The following SYNRG variants were observed in gnomAD, a reference collection of about 807,000 sequenced individuals.
The protein encoded by SYNRG is synergin gamma, also known as AP1 gamma subunit binding protein 1.
In SYNRG, 37 loss-of-function variants were observed where a neutral mutation model predicts 130.9. The ratio of observed to expected loss-of-function variants is 0.28; its 90% CI spans 0.22 to 0.37. The LOEUF is 0.37. SYNRG is among the 10% of genes least tolerant of loss of function. The pLI is 1.00. For missense variants in SYNRG, 1,338 were observed against 1,588.9 expected (o/e 0.84, Z 2.68); for synonymous variants, 539 against 568.1 (o/e 0.95, Z 0.73).
chr17:37,598,808 A>G (rs114319187), intron 2 of SYNRG, among the ~76,000 whole-genome samples: 1 of 152,246 alleles, frequency 6.6e-6, no homozygotes. Context: ...CTCCATATGC[A>G]TATTTTTACT....
rs2143314029 is a variant in SYNRG, at chr17:37,516,366, G to A, written c.*2574C>T. 1 of 152,312 alleles carries A rather than the reference G, an allele frequency of 6.6e-6. No homozygotes were observed. Among genetic ancestry groups the A allele is most frequent in the South Asian group, 2.1e-4 (1 of 4,828 alleles). The allele number at this position is 152,312 out of a possible 1,614,324, so 9.4% of individuals were successfully genotyped here. ...CTAATTAAACATTTCAAGTATTCAA[G>A]AGATATGAAAGGTAGTGAATACTTT... On this transcript the variant is annotated 3_prime_UTR_variant, in exon 22 of 22. Transcript: ENST00000612223.
intron 11 of SYNRG, among the ~76,000 whole-genome samples, chr17:37,562,908 C>G (rs947529970): frequency 6.6e-6 from 1 of 151,980 alleles, no homozygotes; most frequent in Non-Finnish European, 1.5e-5. Context: ...TAGCTACGGT[C>G]TTTTAAGGCT....
At chr17:37,601,652 G>C (rs1038854308) in intron 1 of SYNRG, among the ~76,000 whole-genome samples, 1 of 151,768 alleles carries the variant, frequency 6.6e-6, no homozygotes, top group African/African-American at 2.4e-5. Context: ...TTTTTTTTAA[G>C]CTGACAACTT....
rs143632042 is a variant in SYNRG, at chr17:37,542,112, G to C, written c.3062C>G (p.Ser1021Trp). 2 of 1,614,192 alleles carry C rather than the reference G, an allele frequency of 1.2e-6. No homozygotes were observed. The highest frequency in any genetic ancestry group is 2.2e-5 in the East Asian group (1 of 44,882). ...GASQETPNEC[S>W]DDFGEFQSEK... ...ACTTTGAAACTCTCCAAAGTCATCC[G>C]AACATTCGTTCGGGGTTTCTTGAGA... Residue 1021 changes from serine (S) to tryptophan (W), a missense_variant, in exon 15 of 22, where the codon TCG (serine) becomes TGG (tryptophan). Physicochemically the swap from Ser to Trp is radical, Grantham distance 177. Coordinates refer to ENST00000612223, the MANE Select transcript of SYNRG (RefSeq NM_007247.6).
chr17:37,530,120 T>TC (rs2056465882), intron 19 of SYNRG, among the ~76,000 whole-genome samples: 2 of 151,566 alleles, frequency 1.3e-5, no homozygotes, highest in African/African-American at 4.9e-5. Flanking sequence ...ATCGACCCAC[T>TC]CCCCCCGACA....
intron 19 of SYNRG, among the ~76,000 whole-genome samples, chr17:37,531,068 G>A (rs924268694): frequency 6.6e-6 from 1 of 152,112 alleles, no homozygotes; most frequent in African/African-American, 2.4e-5. Flanking sequence ...GGGCAACATA[G>A]TGAGGCCCTA....
intron 13 of SYNRG, chr17:37,557,322 G>A (rs2059192497): frequency 1.3e-5 from 2 of 152,178 alleles, no homozygotes; most frequent in Non-Finnish European, 2.9e-5. Flanking sequence ...CTGTCATTCA[G>A]TAACCTAAGA....
rs191035653 is a variant in SYNRG, at chr17:37,559,910, C to T, written c.1663+1285G>A. Among the ~76,000 whole-genome samples, 80 of 152,060 alleles carry T rather than the reference C, an allele frequency of 5.3e-4. 1 individual carries two copies. The highest frequency in any genetic ancestry group is 4.6e-3 in the Admixed American group (70 of 15,256). On this transcript the variant is annotated intron_variant, in intron 13 of 21. Coordinates refer to ENST00000612223, the MANE Select transcript of SYNRG (RefSeq NM_007247.6). ...GGAAACTACACTGATTTGGAATTTGCCCTGAATTTTATTTTATTTTTACTG... is the reference window on the plus strand; with the variant it reads ...GGAAACTACACTGATTTGGAATTTGTCCTGAATTTTATTTTATTTTTACTG...
At chr17:37,570,308 T>A (rs1197764085) in intron 10 of SYNRG, among the ~76,000 whole-genome samples, 1 of 152,104 alleles carries the variant, frequency 6.6e-6, no homozygotes, top group Non-Finnish European at 1.5e-5. Context: ...CACACTATCA[T>A]GCCCAGCTCA....
At chr17:37,559,213 C>G (rs1366190053) in intron 13 of SYNRG, among the ~76,000 whole-genome samples, 1 of 152,178 alleles carries the variant, frequency 6.6e-6, no homozygotes, top group South Asian at 2.1e-4. Flanking sequence ...TACTGTAATA[C>G]ACCTCTGTGA....
chr17:37,527,822 T>C (rs1227060688), intron 19 of SYNRG, among the ~76,000 whole-genome samples: 1 of 152,120 alleles, frequency 6.6e-6, no homozygotes, highest in Non-Finnish European at 1.5e-5. Flanking sequence ...TCCCCCCCCA[T>C]GGACAGGGGA....
intron 1 of SYNRG, among the ~76,000 whole-genome samples, chr17:37,608,269 C>G (rs2063990581): frequency 6.6e-6 from 1 of 151,982 alleles, no homozygotes; most frequent in Admixed American, 6.6e-5. Flanking sequence ...TTGTAGTGTT[C>G]ACGACTCCGA....
Position 37,542,961 on chromosome 17 carries a change from AAT to A in SYNRG, c.2609-398_2609-397del, listed in dbSNP as rs1401987520. 5.3e-5 allele frequency among the ~76,000 whole-genome samples: 8 copies of A among 152,338 alleles called. No individual in the cohort carries two copies. The East Asian group carries it at 1.5e-3, about 29-fold the overall frequency. On this transcript the variant is annotated intron_variant, in intron 14 of 21. Coordinates refer to ENST00000612223, the MANE Select transcript of SYNRG (RefSeq NM_007247.6). ...TCCCTTCATCTTGACTTTGTTGGAA[AAT>A]GTGCCTTTAAAACATGGTCATGTGA...
chr17:37,576,329 A>T lies in SYNRG; in HGVS notation c.901+12T>A. 6.2e-7 allele frequency: 1 copy of T among 1,613,398 alleles called. No homozygotes were observed. The highest frequency in any genetic ancestry group is 1.7e-5 in the Admixed American group (1 of 59,986). On this transcript the variant is annotated intron_variant, in intron 8 of 21. Transcript: ENST00000612223. ...ATCCAGATGGGAATCCTGGGTAAAGAAGCTTTTTTACCTGGAACCAAACTC... is the reference window on the plus strand; with the variant it reads ...ATCCAGATGGGAATCCTGGGTAAAGTAGCTTTTTTACCTGGAACCAAACTC...
rs2054424196 is a variant in SYNRG, at chr17:37,516,326, CCCTATTG to C, written c.*2607_*2613del. 1 of 152,158 alleles carries C rather than the reference CCCTATTG, an allele frequency of 6.6e-6. No homozygotes were observed. Among genetic ancestry groups the C allele is most frequent in the South Asian group, 2.1e-4 (1 of 4,820 alleles). The allele number at this position is 152,158 out of a possible 1,614,324, so 9.4% of individuals were successfully genotyped here. ...CAACCGTGTCCCACACTCCTTGGATCCCTATTGGTGGCATCTAATTAAACATTTCAAG... is the reference window on the plus strand; with the variant it reads ...CAACCGTGTCCCACACTCCTTGGATCGTGGCATCTAATTAAACATTTCAAG... On this transcript the variant is annotated 3_prime_UTR_variant, in exon 22 of 22. Coordinates refer to ENST00000612223, the MANE Select transcript of SYNRG (RefSeq NM_007247.6).
At chr17:37,573,738 T>G (rs1252857072) in intron 8 of SYNRG, among the ~76,000 whole-genome samples, 2 of 152,042 alleles carry the variant, frequency 1.3e-5, no homozygotes, top group East Asian at 1.9e-4. Flanking sequence ...TGCAATAAAT[T>G]GAAGGGGACA....
rs2058825245 is a variant in SYNRG, at chr17:37,553,029, G to C, written c.2608+86C>G. On this transcript the variant is annotated intron_variant, in intron 14 of 21. Transcript: ENST00000612223. ...AGAGATTCATAAAGCTAAAGGGCCA[G>C]AGCCTTACTCATGTAAATCAACACC... is the stretch of plus-strand genomic sequence containing the variant. 4.0e-6 allele frequency: 5 copies of C among 1,254,370 alleles called. 1 individual carries two copies. The East Asian group carries it at 1.2e-4, about 30-fold the overall frequency. The allele number at this position is 1,254,370 out of a possible 1,614,324, so 77.7% of individuals were successfully genotyped here.
At chr17:37,605,154 TA>T (rs1376841058) in intron 1 of SYNRG, among the ~76,000 whole-genome samples, 1 of 152,184 alleles carries the variant, frequency 6.6e-6, no homozygotes, top group African/African-American at 2.4e-5. Context: ...CTTCAATTTA[TA>T]AAAAACACTG....
intron 1 of SYNRG, among the ~76,000 whole-genome samples, chr17:37,603,354 TAACAAC>T (rs911970870): frequency 2.6e-5 from 4 of 151,908 alleles, no homozygotes; most frequent in Admixed American, 1.3e-4. Flanking sequence ...ATAATAATAA[TAACAAC>T]AACAACAACA....
Sources: allele counts gnomAD v4.1 joint callset (sites outside exome capture counted in the v4.1 genomes callset), GRCh38; gene constraint gnomAD v4.1.1; transcripts MANE v1.5; gene names NCBI Gene and HGNC (gene_info 2026-07-23, HGNC 2026-07-21).